Variants in ERMAP observed in about 807,000 individuals in gnomAD.
ERMAP encodes erythroblast membrane associated protein (Scianna blood group), also known as erythroid membrane-associated protein.
Under a neutral mutation model 49.5 loss-of-function variants are expected in ERMAP, and 34 were observed. The observed-to-expected ratio is 0.69, with a 90% confidence interval of 0.52 to 0.91. The LOEUF (loss-of-function observed/expected upper bound fraction) is 0.91. ERMAP is among the 40% of genes least tolerant of loss of function. The probability of loss-of-function intolerance (pLI) is 0.00; values close to 1 mark genes in which losing one functional copy is unlikely to be tolerated. For synonymous variants in ERMAP, 214 were observed against 232.2 expected (o/e 0.92, Z 0.71); for missense variants, 541 against 582.6 (o/e 0.93, Z 0.74).
Position 42,819,211 on chromosome 1 carries a change from G to A in ERMAP, c.-122+1958G>A, listed in dbSNP as rs542874266. 1.1e-4 allele frequency among the ~76,000 whole-genome samples: 17 copies of A among 148,954 alleles called. No individual in the cohort carries two copies. The South Asian group carries it at 2.3e-3, about 20-fold the overall frequency. On this transcript the variant is annotated intron_variant, in intron 1 of 11. Coordinates refer to ENST00000372517, the MANE Select transcript of ERMAP (RefSeq NM_001017922.2). This position sits in a 1 kb window ranked among gnomAD's most constrained non-coding sequence, Gnocchi z 5.1. ...TGTGTGTGTGTGTGTGTGTGTGCGC[G>A]CGCGCAAGAGAGGGACCGAGAGAGA...
chr1:42,844,059 T>C lies in ERMAP; in HGVS notation c.*827T>C. ...GTGACTGTCTTATGAATCAATCTGT[T>C]GTGCCAACCCTTTCTGAGATTCAGA... On this transcript the variant is annotated 3_prime_UTR_variant, in exon 12 of 12. Coordinates refer to ENST00000372517, the MANE Select transcript of ERMAP (RefSeq NM_001017922.2). The surrounding 1 kb of genome is among the most constrained non-coding windows in gnomAD (Gnocchi z 4.0). 2.5e-6 allele frequency: 1 copy of C among 398,628 alleles called. No homozygotes were observed. Among genetic ancestry groups the C allele is most frequent in the Non-Finnish European group, 4.4e-6 (1 of 226,066 alleles). The allele number at this position is 398,628 out of a possible 1,614,324, so 24.7% of individuals were successfully genotyped here.
At chr1:42,829,950 A>G (rs1260321811) in intron 2 of ERMAP, 1 of 160,476 alleles carries the variant, frequency 6.2e-6, no homozygotes, top group Admixed American at 5.8e-5. Flanking sequence ...TTATTTATCA[A>G]GAGTCAAACT....
intron 11 of ERMAP, 132 bp downstream of exon 11, chr1:42,840,428 A>G (rs1655024389): frequency 9.7e-7 from 1 of 1,035,528 alleles, no homozygotes; most frequent in African/African-American, 1.6e-5. Context: ...TGTATATCTG[A>G]CTATCAAATT....
chr1:42,834,484 T>TCA (rs570563231), intron 4 of ERMAP, among the ~76,000 whole-genome samples: 221 of 152,316 alleles, frequency 1.5e-3, no homozygotes, highest in Admixed American at 5.0e-3. Flanking sequence ...GAAGTTTGTT[T>TCA]AAGTCATCAT....
intron 1 of ERMAP, among the ~76,000 whole-genome samples, chr1:42,824,222 T>C (rs951437449): frequency 4.0e-5 from 6 of 150,308 alleles, no homozygotes; most frequent in African/African-American, 1.5e-4. Context: ...GTGGCGGGCG[T>C]CTGTAGTCCC....
At chr1:42,837,100 T>G in intron 6 of ERMAP, 58 bp from the exon 7 acceptor site, 1 of 1,587,306 alleles carries the variant, frequency 6.3e-7, no homozygotes, top group Non-Finnish European at 8.6e-7. Context: ...TCAATAGGAA[T>G]CAGGGATCCT....
intron 4 of ERMAP, chr1:42,834,823 G>A: frequency 2.2e-6 from 1 of 461,732 alleles, no homozygotes; most frequent in Non-Finnish European, 3.9e-6. Context: ...CCAAAGTGCT[G>A]GTATTACAGG....
At chr1:42,831,768 T>C (rs1654748928) in intron 4 of ERMAP, among the ~76,000 whole-genome samples, 1 of 151,668 alleles carries the variant, frequency 6.6e-6, no homozygotes, top group African/African-American at 2.4e-5. Context: ...TTACTTTTAG[T>C]AGAGACAGGG....
intron 1 of ERMAP, among the ~76,000 whole-genome samples, chr1:42,820,257 C>T (rs1192797119): frequency 2.0e-5 from 3 of 151,906 alleles, no homozygotes; most frequent in Non-Finnish European, 2.9e-5. Flanking sequence ...CCTTGATGTT[C>T]TGAACGTTCA....
intron 1 of ERMAP, among the ~76,000 whole-genome samples, chr1:42,824,199 A>AAG (rs1654475363): frequency 1.3e-5 from 2 of 151,578 alleles, no homozygotes; most frequent in Admixed American, 6.6e-5. Flanking sequence ...AAAAAAAAAA[A>AAG]TAGCTGGGCG....
intron 2 of ERMAP, among the ~76,000 whole-genome samples, chr1:42,826,319 T>C (rs1269209534): frequency 6.6e-6 from 1 of 151,940 alleles, no homozygotes; most frequent in Non-Finnish European, 1.5e-5. Context: ...GAAATACAAA[T>C]TGAAATGAAT....
intron 4 of ERMAP, 113 bp downstream of exon 4, chr1:42,831,228 T>G: frequency 7.6e-7 from 1 of 1,319,580 alleles, no homozygotes; most frequent in Non-Finnish European, 1.0e-6. Context: ...GTGTAGTTTT[T>G]ACTTGCCAGG....
chr1:42,838,829 A>G, intron 7 of ERMAP, 72 bp from the exon 8 acceptor site: 1 of 1,601,318 alleles, frequency 6.2e-7, no homozygotes, highest in South Asian at 1.1e-5. Context: ...TGGAGTGATG[A>G]GGCTGCCACA....
chr1:42,835,614 C>T, intron 5 of ERMAP, 118 bp from the exon 6 acceptor site: 1 of 1,344,380 alleles, frequency 7.4e-7, no homozygotes, highest in Non-Finnish European at 1.0e-6. Flanking sequence ...CAAATGCCCG[C>T]TTACCTGTAG....
rs1294930512 is a variant in ERMAP, at chr1:42,842,620, C to G, written c.816C>G (p.Asn272Lys). Residue 272 changes from asparagine (N) to lysine (K), a missense_variant, in exon 12 of 12, where the codon AAC becomes AAG. Coordinates refer to ENST00000372517, the MANE Select transcript of ERMAP (RefSeq NM_001017922.2). The stretch of plus-strand genomic sequence containing the variant: ...ACAGACGGCAGCCTGTACCTGACAA[C>G]CCCCAGAGATTTGATTTCGTTGTCA... ...LGDRRQPVPD[N>K]PQRFDFVVSI... The G allele has an allele frequency of 2.5e-6, 4 of 1,614,158 alleles. No homozygotes were observed. The Admixed American group carries it at 5.0e-5, about 20-fold the overall frequency.
intron 4 of ERMAP, among the ~76,000 whole-genome samples, chr1:42,832,976 G>T (rs1267298575): frequency 6.6e-6 from 1 of 152,208 alleles, no homozygotes; most frequent in East Asian, 1.9e-4. Flanking sequence ...TCAAGGCAGG[G>T]TACTTCCATC....
At position 42,843,938 on chromosome 1, in the gene ERMAP, T is replaced by A. The variant is rs1337320947; in HGVS notation, c.*706T>A. On this transcript the variant is annotated 3_prime_UTR_variant, in exon 12 of 12. Transcript: ENST00000372517. ...AATCCTGAAAAGCCCCAGGAGCACA[T>A]CAGGGAGCTGGGAAACACAGTTGCA... The A allele has an allele frequency of 2.5e-6, 1 of 396,882 alleles. No individual in the cohort carries two copies. Among genetic ancestry groups the A allele is most frequent in the East Asian group, 3.6e-5 (1 of 28,048 alleles). The allele number at this position is 396,882 out of a possible 1,614,324, so 24.6% of individuals were successfully genotyped here.
chr1:42,834,628 T>G, intron 4 of ERMAP: 1 of 254,040 alleles, frequency 3.9e-6, no homozygotes. Flanking sequence ...TGACCTTGGC[T>G]CACTGCAACC....
intron 7 of ERMAP, among the ~76,000 whole-genome samples, chr1:42,838,092 C>T (rs1654953474): frequency 6.6e-6 from 1 of 152,126 alleles, no homozygotes; most frequent in African/African-American, 2.4e-5. Context: ...AGACCACCCC[C>T]CTATAAAATG....
Sources: gnomAD v4.1 joint callset for allele counts (sites outside exome capture counted in the v4.1 genomes callset) on GRCh38, gnomAD v4.1.1 for gene constraint, Gnocchi (gnomAD v3.1) non-coding constraint, MANE v1.5 for transcripts, NCBI Gene and HGNC (gene_info 2026-07-23, HGNC 2026-07-21) for gene names.